The following IMMP2L variants were observed in gnomAD, a reference collection of about 807,000 sequenced individuals.
IMMP2L encodes the protein inner mitochondrial membrane peptidase subunit 2.
Under a neutral mutation model 19.3 loss-of-function variants are expected in IMMP2L, and 18 were observed. The observed-to-expected ratio is 0.93, with a 90% CI of 0.64 to 1.38. The LOEUF (loss-of-function observed/expected upper bound fraction) is 1.38. IMMP2L is among the 40% of genes most tolerant of loss of function. IMMP2L has a pLI of 0.00. For missense variants in IMMP2L, 233 were observed against 218.2 expected, an observed-to-expected ratio of 1.07 and a Z score of -0.43; for synonymous variants, 76 against 73.0, an observed-to-expected ratio of 1.04 and a Z score of -0.21.
Position 110,742,061 on chromosome 7 carries a change from T to C in IMMP2L, c.409-78340A>G, listed in dbSNP as rs138184070. Among the ~76,000 whole-genome samples the C allele has an allele frequency of 3.8e-3, 586 of 152,318 alleles. 4 individuals are homozygous for C. The highest frequency in any genetic ancestry group is 0.014 in the African/African-American group (567 of 41,568). On this transcript the variant is annotated intron_variant, in intron 5 of 5. Transcript: ENST00000405709. The stretch of plus-strand genomic sequence containing the variant: ...GACTAATATTGAGTAATGGCAAGGC[T>C]AGACGCTTAACGTAGCCTCAAGAAT...
chr7:111,500,427 A>G (rs1405914159), intron 2 of IMMP2L, among the ~76,000 whole-genome samples: 3 of 152,180 alleles, frequency 2.0e-5, no homozygotes, highest in African/African-American at 4.8e-5. Flanking sequence ...GCAGACTTAA[A>G]TGTCCCTGTC....
At chr7:111,369,920 C>T (rs533729813) in intron 3 of IMMP2L, among the ~76,000 whole-genome samples, 3 of 151,782 alleles carry the variant, frequency 2.0e-5, no homozygotes, top group East Asian at 1.9e-4. Context: ...AAGCACTCAC[C>T]GCCATGAAAT....
intron 3 of IMMP2L, among the ~76,000 whole-genome samples, chr7:111,071,770 T>C (rs2129575432): frequency 6.6e-6 from 1 of 152,258 alleles, no homozygotes; most frequent in South Asian, 2.1e-4. Flanking sequence ...ACAGTTTTTT[T>C]TTGGTGTGGT....
At chr7:110,893,579 T>G (rs1459759791) in intron 4 of IMMP2L, among the ~76,000 whole-genome samples, 4 of 152,188 alleles carry the variant, frequency 2.6e-5, no homozygotes, top group African/African-American at 9.7e-5. Flanking sequence ...CACAAATAAT[T>G]TCATATTTTA....
intron 5 of IMMP2L, among the ~76,000 whole-genome samples, chr7:110,793,211 G>A (rs933892106): frequency 6.6e-6 from 1 of 151,992 alleles, no homozygotes; most frequent in South Asian, 2.1e-4. Context: ...CTTGAGGCCG[G>A]GAGGTACAAA....
At chr7:111,518,945 G>A (rs1399727110) in intron 2 of IMMP2L, among the ~76,000 whole-genome samples, 1 of 152,130 alleles carries the variant, frequency 6.6e-6, no homozygotes, top group Non-Finnish European at 1.5e-5. Flanking sequence ...TCAAAGAGAT[G>A]CTGTCATTTT....
At chr7:110,786,232 AT>A (rs1199049863) in intron 5 of IMMP2L, among the ~76,000 whole-genome samples, 1 of 152,016 alleles carries the variant, frequency 6.6e-6, no homozygotes, top group African/African-American at 2.4e-5. Flanking sequence ...AATATAATAC[AT>A]AGTTACTTGA....
chr7:111,114,617 TC>T (rs1295768434), intron 3 of IMMP2L, among the ~76,000 whole-genome samples: 1 of 151,460 alleles, frequency 6.6e-6, no homozygotes, highest in Non-Finnish European at 1.5e-5. Flanking sequence ...GTGCCTGTAA[TC>T]CCAGCCACTT....
At chr7:111,261,116 T>C (rs17539271) in intron 3 of IMMP2L, among the ~76,000 whole-genome samples, 6,636 of 152,230 alleles carry the variant, frequency 0.044, 219 homozygotes, top group South Asian at 0.083. Context: ...ATTAACTTCT[T>C]TAAATTCATC....
At chr7:110,915,047 TAAC>T (rs2067225) in intron 4 of IMMP2L, among the ~76,000 whole-genome samples, 60,437 of 151,628 alleles carry the variant, frequency 0.4, 12,759 homozygotes, top group East Asian at 0.77. Flanking sequence ...TGAAAAAAAT[TAAC>T]AACAGAACTA....
At chr7:111,265,748 A>T (rs1403391509) in intron 3 of IMMP2L, among the ~76,000 whole-genome samples, 1 of 152,188 alleles carries the variant, frequency 6.6e-6, no homozygotes, top group Non-Finnish European at 1.5e-5. Context: ...TGATTTTTTG[A>T]AAATTAGACT....
intron 5 of IMMP2L, among the ~76,000 whole-genome samples, chr7:110,666,528 C>T (rs1791469784): frequency 6.6e-6 from 1 of 152,100 alleles, no homozygotes; most frequent in Non-Finnish European, 1.5e-5. Context: ...CCAGCCTCAG[C>T]CTCCCAAAGT....
intron 5 of IMMP2L, among the ~76,000 whole-genome samples, chr7:110,847,526 C>A (rs1275369251): frequency 1.3e-5 from 2 of 152,116 alleles, no homozygotes; most frequent in African/African-American, 4.8e-5. Context: ...TCAACATAAC[C>A]TCAATCAAAA....
chr7:110,783,898 C>T lies in IMMP2L; in HGVS notation c.408+102695G>A, dbSNP rs913435016. ...ATGTGACCTGAACACATTCCTAAAC[C>T]CCATGGAGCTTTGGTCCCTCCATAA... On this transcript the variant is annotated intron_variant, in intron 5 of 5. Coordinates refer to ENST00000405709, the MANE Select transcript of IMMP2L (RefSeq NM_032549.4). Among the ~76,000 whole-genome samples the T allele has an allele frequency of 7.9e-5, 12 of 151,888 alleles. 1 individual carries two copies. The highest frequency in any genetic ancestry group is 6.8e-3 in the Middle Eastern group (2 of 294).
intron 3 of IMMP2L, among the ~76,000 whole-genome samples, chr7:111,056,671 G>A (rs909196670): frequency 2.0e-5 from 3 of 152,150 alleles, no homozygotes; most frequent in African/African-American, 7.2e-5. Context: ...TAAATAGGCA[G>A]TCAATTAACA....
intron 3 of IMMP2L, among the ~76,000 whole-genome samples, chr7:111,187,226 T>G (rs1808368881): frequency 6.6e-6 from 1 of 152,124 alleles, no homozygotes; most frequent in Non-Finnish European, 1.5e-5. Flanking sequence ...GGCCCTTCCC[T>G]TTCTGGCCAA....
intron 2 of IMMP2L, among the ~76,000 whole-genome samples, chr7:111,491,619 G>C (rs974029033): frequency 2.0e-5 from 3 of 152,150 alleles, no homozygotes; most frequent in Non-Finnish European, 4.4e-5. Context: ...ATGGTGCTGA[G>C]GAATGGAGCT....
chr7:111,491,632 T>G (rs981171181), intron 2 of IMMP2L, among the ~76,000 whole-genome samples: 2 of 152,152 alleles, frequency 1.3e-5, no homozygotes, highest in African/African-American at 4.8e-5. Context: ...ATGGAGCTTT[T>G]GTCATCACAA....
intron 3 of IMMP2L, among the ~76,000 whole-genome samples, chr7:110,987,469 G>A (rs1821978855): frequency 2.0e-5 from 3 of 152,156 alleles, no homozygotes; most frequent in South Asian, 2.1e-4. Context: ...GTATGTCAAA[G>A]TTTCCTTGGA....
Sources: allele counts gnomAD v4.1 joint callset (sites outside exome capture counted in the v4.1 genomes callset), GRCh38; gene constraint gnomAD v4.1.1; transcripts MANE v1.5; gene names NCBI Gene and HGNC (gene_info 2026-07-23, HGNC 2026-07-21).